The following MTCL1 variants were observed in gnomAD, a reference collection of about 807,000 sequenced individuals.
MTCL1 encodes the protein microtubule cross-linking factor 1.
A neutral mutation model predicts 141.4 loss-of-function variants in MTCL1; 79 were observed. The ratio of observed to expected loss-of-function variants is 0.56; its 90% CI spans 0.47 to 0.67. MTCL1 has a LOEUF of 0.67. MTCL1 is among the 30% of genes least tolerant of loss of function. MTCL1 has a pLI of 0.00. For synonymous variants in MTCL1, 914 were observed against 875.8 expected (o/e 1.04, Z -0.77); for missense variants, 2,177 against 2,113.9 (o/e 1.03, Z -0.59).
chr18:8,808,871 C>G (rs1598756545), intron 11 of MTCL1, among the ~76,000 whole-genome samples: 1 of 152,162 alleles, frequency 6.6e-6, no homozygotes, highest in South Asian at 2.1e-4. Flanking sequence ...GGAAAGTGCC[C>G]ACAGGGCTTT....
At chr18:8,746,822 C>T (rs937224647) in intron 4 of MTCL1, among the ~76,000 whole-genome samples, 1 of 152,102 alleles carries the variant, frequency 6.6e-6, no homozygotes, top group Non-Finnish European at 1.5e-5. Context: ...TATCAAACAA[C>T]AGTCATGAAT....
chr18:8,816,370 C>T (rs939585916), intron 12 of MTCL1, among the ~76,000 whole-genome samples: 10 of 152,192 alleles, frequency 6.6e-5, no homozygotes, highest in East Asian at 1.9e-4. Context: ...CATACTTGTC[C>T]GCTGTCATTA....
exon 15 of MTCL1, chr18:8,825,967 G>T: frequency 6.3e-7 from 1 of 1,597,884 alleles, no homozygotes; most frequent in Non-Finnish European, 8.5e-7. Context: ...CAGGAAACAG[G>T]CACCAATTCC....
At chr18:8,717,981 G>T (rs1377432123) in intron 2 of MTCL1, 3 of 1,011,242 alleles carry the variant, frequency 3.0e-6, no homozygotes, top group Non-Finnish European at 3.5e-6. Flanking sequence ...TAGTTCCAGG[G>T]CAATTAGCAC....
At chr18:8,762,420 T>C (rs914445602) in intron 4 of MTCL1, among the ~76,000 whole-genome samples, 1 of 152,246 alleles carries the variant, frequency 6.6e-6, no homozygotes, top group African/African-American at 2.4e-5. Context: ...GCGACTGCTC[T>C]CAGCCCAAAC....
chr18:8,722,407 A>G (rs1000285745), intron 4 of MTCL1, among the ~76,000 whole-genome samples: 5 of 152,180 alleles, frequency 3.3e-5, no homozygotes, highest in African/African-American at 9.7e-5. Flanking sequence ...AGAAAAAAAG[A>G]GAAAATAATG....
chr18:8,799,667 T>C (rs2076048231), intron 10 of MTCL1, among the ~76,000 whole-genome samples: 1 of 152,232 alleles, frequency 6.6e-6, no homozygotes, highest in Non-Finnish European at 1.5e-5. Context: ...CCCATAATAT[T>C]GCCACTGATG....
At chr18:8,792,935 G>A in intron 7 of MTCL1, 63 bp from the exon 7 acceptor site, 2 of 1,596,484 alleles carry the variant, frequency 1.3e-6, no homozygotes, top group South Asian at 1.1e-5. Context: ...TGTCTGTCCT[G>A]CGTCGTCACC....
intron 1 of MTCL1, among the ~76,000 whole-genome samples, chr18:8,709,021 A>T (rs949845135): frequency 6.6e-6 from 1 of 152,172 alleles, no homozygotes; most frequent in African/African-American, 2.4e-5. Flanking sequence ...AGGGATCCTA[A>T]TGGACTTTTC....
chr18:8,821,405 C>T, intron 13 of MTCL1, 62 bp from the exon 13 acceptor site: 1 of 1,053,532 alleles, frequency 9.5e-7, no homozygotes, highest in Non-Finnish European at 1.5e-6. Context: ...CACTTAAGTA[C>T]ATTCAGGGCT....
At chr18:8,826,342 A>C in intron 15 of MTCL1, 110 bp downstream of exon 14, 1 of 1,092,112 alleles carries the variant, frequency 9.2e-7, no homozygotes, top group Non-Finnish European at 1.3e-6. Context: ...GGAATCGTCC[A>C]TGATTGGTTA....
At chr18:8,796,424 G>A (rs748850769) in exon 9 of MTCL1, 1 of 1,614,170 alleles carries the variant, frequency 6.2e-7, no homozygotes, top group Non-Finnish European at 8.5e-7. Flanking sequence ...CTGGCGGCAA[G>A]GGAAGCAGAT....
chr18:8,819,033 C>G, exon 13 of MTCL1: 2 of 1,614,260 alleles, frequency 1.2e-6, no homozygotes, highest in Non-Finnish European at 1.7e-6. Context: ...AACGTTCGCC[C>G]CTTTCCCCAC....
exon 15 of MTCL1, chr18:8,825,899 G>T (rs375236050): frequency 1.2e-6 from 2 of 1,612,568 alleles, no homozygotes; most frequent in African/African-American, 1.3e-5. Flanking sequence ...TCCAGAAGGG[G>T]CTGCGGGCCG....
At chr18:8,814,546 G>A (rs376433671) in intron 12 of MTCL1, among the ~76,000 whole-genome samples, 1 of 152,180 alleles carries the variant, frequency 6.6e-6, no homozygotes, top group South Asian at 2.1e-4. Context: ...GTATGTCGTT[G>A]CTCTATGGTT....
At chr18:8,740,354 A>G (rs530032588) in intron 4 of MTCL1, among the ~76,000 whole-genome samples, 2 of 152,230 alleles carry the variant, frequency 1.3e-5, no homozygotes, top group South Asian at 4.2e-4. Flanking sequence ...GAAACAAGAC[A>G]ATGGCCAAAC....
intron 4 of MTCL1, among the ~76,000 whole-genome samples, chr18:8,736,634 TA>T (rs1191917169): frequency 1.6e-4 from 20 of 123,540 alleles, no homozygotes; most frequent in African/African-American, 4.7e-4. Flanking sequence ...TATATCCATG[TA>T]TTTTTTTTTT....
At chr18:8,741,306 G>A (rs2096301981) in intron 4 of MTCL1, among the ~76,000 whole-genome samples, 1 of 152,178 alleles carries the variant, frequency 6.6e-6, no homozygotes, top group Admixed American at 6.5e-5. Context: ...CGTCCATGTG[G>A]AATTAATGAG....
At chr18:8,812,447 A>G (rs2076519948) in intron 11 of MTCL1, among the ~76,000 whole-genome samples, 1 of 152,182 alleles carries the variant, frequency 6.6e-6, no homozygotes, top group African/African-American at 2.4e-5. Flanking sequence ...GCTGATGAGA[A>G]GTCTGCTGGA....
Sources: allele counts gnomAD v4.1 joint callset (sites outside exome capture counted in the v4.1 genomes callset), GRCh38; gene constraint gnomAD v4.1.1; transcripts MANE v1.5; gene names NCBI Gene and HGNC (gene_info 2026-07-23, HGNC 2026-07-21).